MYO1D: variants seen among roughly 807,000 people sequenced by gnomAD.
MYO1D encodes unconventional myosin-Id.
MYO1D carries 83 observed loss-of-function variants against 122.0 expected under a neutral mutation model. The observed-to-expected ratio is 0.68, with a 90% CI of 0.57 to 0.82. MYO1D has a LOEUF of 0.82. Ranked by LOEUF, MYO1D falls within the 40% of genes least tolerant of loss-of-function variation. The probability of loss-of-function intolerance (pLI) is 0.00; values close to 1 mark genes in which losing one functional copy is unlikely to be tolerated. For missense variants in MYO1D, 1,157 were observed against 1,269.5 expected, an observed-to-expected ratio of 0.91 and a Z score of 1.35; for synonymous variants, 464 against 446.9, an observed-to-expected ratio of 1.04 and a Z score of -0.48.
intron 1 of MYO1D, among the ~76,000 whole-genome samples, chr17:32,823,567 A>G (rs1164469237): frequency 6.6e-6 from 1 of 152,192 alleles, no homozygotes; most frequent in African/African-American, 2.4e-5. Flanking sequence ...GGTCATATAT[A>G]TCCCCAATTT....
chr17:32,839,487 A>C (rs1211565575), intron 1 of MYO1D, among the ~76,000 whole-genome samples: 1 of 152,198 alleles, frequency 6.6e-6, no homozygotes, highest in East Asian at 1.9e-4. Context: ...GTGTGGCTTT[A>C]ATCAGTTTGA....
rs1404737077 is a variant in MYO1D, at chr17:32,760,399, T to C, written c.1187A>G (p.Glu396Gly). ...ATTGCAGTAATTGATACAGAATTGT[T>C]CAAAACTACAAGAAAAGGAATAAAT... Reference protein sequence around the residue: ...GFEIFDNNSFEQFCINYCNEK... With the variant: ...GFEIFDNNSFGQFCINYCNEK... The change falls in exon 10 of 22, where the codon GAA becomes GGA. Residue 396 changes from glutamate (E) to glycine (G), a missense_variant. Physicochemically the swap from Glu to Gly is moderately conservative, Grantham distance 98. Transcript: ENST00000318217. 6.2e-7 allele frequency: 1 copy of C among 1,607,804 alleles called. No homozygotes were observed. The highest frequency in any genetic ancestry group is 8.5e-7 in the Non-Finnish European group (1 of 1,175,286).
At chr17:32,588,576 T>G (rs2087411227) in intron 21 of MYO1D, among the ~76,000 whole-genome samples, 1 of 152,178 alleles carries the variant, frequency 6.6e-6, no homozygotes, top group Non-Finnish European at 1.5e-5. Context: ...TTTTGGTAAC[T>G]TCACAAATTT....
chr17:32,533,770 T>C (rs187914597), intron 21 of MYO1D, among the ~76,000 whole-genome samples: 29 of 152,240 alleles, frequency 1.9e-4, no homozygotes, highest in African/African-American at 6.3e-4. Context: ...TGCTCTTCCA[T>C]TGGATAACAC....
chr17:32,674,298 A>G (rs904113040), intron 16 of MYO1D, among the ~76,000 whole-genome samples: 4 of 152,244 alleles, frequency 2.6e-5, no homozygotes, highest in African/African-American at 7.2e-5. Context: ...TAGATGATTC[A>G]TAAGAGCATA....
chr17:32,496,701 C>A (rs1909127488), intron 21 of MYO1D, among the ~76,000 whole-genome samples: 1 of 152,174 alleles, frequency 6.6e-6, no homozygotes, highest in African/African-American at 2.4e-5. Flanking sequence ...TCACTGGACT[C>A]TTGTCCTCTG....
At chr17:32,727,080 C>G (rs973106215) in intron 14 of MYO1D, among the ~76,000 whole-genome samples, 6 of 152,138 alleles carry the variant, frequency 3.9e-5, no homozygotes, top group African/African-American at 1.4e-4. Flanking sequence ...ATACTTGCAA[C>G]ACCAGTGGAG....
intron 1 of MYO1D, among the ~76,000 whole-genome samples, chr17:32,835,839 T>C (rs890801699): frequency 3.9e-5 from 6 of 152,344 alleles, no homozygotes; most frequent in East Asian, 1.9e-4. Context: ...AATTCCTTTG[T>C]TGTAGTCACA....
chr17:32,778,619 A>T (rs1387250976), intron 2 of MYO1D, 46 bp from the exon 3 acceptor site: 1 of 1,472,720 alleles, frequency 6.8e-7, no homozygotes, highest in African/African-American at 1.4e-5. Flanking sequence ...ATTTAAACCA[A>T]GAGTAAGCTA....
chr17:32,527,713 G>A (rs1469029915), intron 21 of MYO1D, among the ~76,000 whole-genome samples: 2 of 152,256 alleles, frequency 1.3e-5, no homozygotes, highest in Non-Finnish European at 1.5e-5. Flanking sequence ...TGGGAGGACT[G>A]CTTAAGCCCA....
chr17:32,709,365 G>T (rs1330518034), intron 16 of MYO1D, among the ~76,000 whole-genome samples: 1 of 151,960 alleles, frequency 6.6e-6, no homozygotes, highest in Non-Finnish European at 1.5e-5. Context: ...AAAAGACATA[G>T]TAACAGATCT....
intron 10 of MYO1D, among the ~76,000 whole-genome samples, chr17:32,758,990 T>C (rs1206514259): frequency 2.0e-5 from 3 of 152,170 alleles, no homozygotes; most frequent in African/African-American, 7.2e-5. Flanking sequence ...TGAAAGGATA[T>C]TTTTGACTAG....
At chr17:32,588,159 G>A (rs1346056425) in intron 21 of MYO1D, among the ~76,000 whole-genome samples, 2 of 152,196 alleles carry the variant, frequency 1.3e-5, no homozygotes, top group Admixed American at 6.5e-5. Flanking sequence ...CATAGGAAAT[G>A]CTAAAATCTG....
At position 32,494,864 on chromosome 17, in the gene MYO1D, C is replaced by A; in HGVS notation, c.2916G>T (p.Leu972=). Residue 972 remains leucine (L), a synonymous_variant, in exon 22 of 22, where the codon CTG becomes CTT. Coordinates refer to ENST00000318217, the MANE Select transcript of MYO1D (RefSeq NM_015194.3). ...CGGAGACGGTGCACTTCTTCCCGTG[C>A]AGGCTGCACTGTACTGGGTTGGTGA... ...VNVTNPVQCS[L]HGKKCTVSVE... The A allele has an allele frequency of 6.2e-7, 1 of 1,614,074 alleles. No homozygotes were observed. The highest frequency in any genetic ancestry group is 1.1e-5 in the South Asian group (1 of 91,086).
Position 32,712,088 on chromosome 17 carries a change from T to A in MYO1D, c.2021A>T (p.Tyr674Phe). Reference sequence around the variant, plus strand: ...TCGAATGAAAATTTTGGTCTTCCCATAAGCTACATCATCCTGAAAACCACA... The same window carrying A: ...TCGAATGAAAATTTTGGTCTTCCCAAAAGCTACATCATCCTGAAAACCACA... ...ERCGFQDDVAYGKTKIFIRTP... is the reference protein window; with the variant it reads ...ERCGFQDDVAFGKTKIFIRTP... The change falls in exon 16 of 22, where the codon TAT (tyrosine) becomes TTT (phenylalanine). Residue 674 changes from tyrosine (Y) to phenylalanine (F), a missense_variant. Transcript: ENST00000318217. 6.2e-7 allele frequency: 1 copy of A among 1,614,168 alleles called. No individual in the cohort carries two copies. Among genetic ancestry groups the A allele is most frequent in the Non-Finnish European group, 8.5e-7 (1 of 1,180,014 alleles).
chr17:32,558,998 A>G (rs1421594853), intron 21 of MYO1D, among the ~76,000 whole-genome samples: 1 of 152,258 alleles, frequency 6.6e-6, no homozygotes, highest in African/African-American at 2.4e-5. Flanking sequence ...GGTGCTTTCA[A>G]TATAGCCTAG....
At chr17:32,738,649 T>C (rs898738164) in intron 13 of MYO1D, among the ~76,000 whole-genome samples, 1 of 152,214 alleles carries the variant, frequency 6.6e-6, no homozygotes, top group Non-Finnish European at 1.5e-5. Flanking sequence ...ATCCTTATTA[T>C]ACCTACCTAG....
chr17:32,834,886 C>T (rs992952122), intron 1 of MYO1D, among the ~76,000 whole-genome samples: 1 of 152,118 alleles, frequency 6.6e-6, no homozygotes, highest in African/African-American at 2.4e-5. Context: ...GTGGTGCGCC[C>T]CTGTAGTCCC....
chr17:32,596,220 T>C (rs1281049192), intron 21 of MYO1D, among the ~76,000 whole-genome samples: 6 of 152,210 alleles, frequency 3.9e-5, no homozygotes, highest in Admixed American at 6.5e-5. Context: ...ATTTTGCTTA[T>C]GGAATATAAA....
Sources: gnomAD v4.1 joint callset for allele counts (sites outside exome capture counted in the v4.1 genomes callset) on GRCh38, gnomAD v4.1.1 for gene constraint, MANE v1.5 for transcripts, NCBI Gene and HGNC (gene_info 2026-07-23, HGNC 2026-07-21) for gene names.